Variants in IFT56 observed in about 807,000 individuals in gnomAD.
IFT56 encodes the protein intraflagellar transport protein 56.
At chr7:139,151,468 T>C in the IFT56 span, among the ~76,000 whole-genome samples, 3 of 152,220 alleles carry the variant, frequency 2.0e-5, no homozygotes, top group African/African-American at 7.2e-5. Context: ...TCTAGGGTAG[T>C]GATTATGAGT....
chr7:139,185,251 G>A, the IFT56 span, among the ~76,000 whole-genome samples: 1 of 151,214 alleles, frequency 6.6e-6, no homozygotes, highest in Non-Finnish European at 1.5e-5. Flanking sequence ...CTGTGGTTAC[G>A]TGAATCTACA....
At chr7:139,178,536 A>G in the IFT56 span, 2 of 1,614,174 alleles carry the variant, frequency 1.2e-6, no homozygotes, top group East Asian at 2.2e-5. Flanking sequence ...TAATGATGAC[A>G]TCTTTAACTT....
the IFT56 span, chr7:139,168,569 CAA>C: frequency 2.7e-3 from 1,036 of 377,616 alleles, 2 homozygotes; most frequent in South Asian, 6.2e-3. Flanking sequence ...TATTTAGAGA[CAA>C]AAAAAAAAAA....
chr7:139,172,405 C>T, the IFT56 span: 1 of 349,128 alleles, frequency 2.9e-6, no homozygotes, highest in South Asian at 2.4e-5. Context: ...GCCAGGTGGG[C>T]ATTGTATTTG....
the IFT56 span, chr7:139,133,965 A>T: frequency 2.2e-6 from 3 of 1,376,184 alleles, no homozygotes. Context: ...GTCCGCAGAG[A>T]GTAATCCCCA....
At chr7:139,164,999 TA>T in the IFT56 span, 1 of 577,096 alleles carries the variant, frequency 1.7e-6, no homozygotes, top group East Asian at 3.2e-5. Context: ...AAGTTCTCAA[TA>T]TATCAACTGA....
the IFT56 span, among the ~76,000 whole-genome samples, chr7:139,171,513 A>G: frequency 2.0e-5 from 3 of 152,188 alleles, no homozygotes; most frequent in African/African-American, 4.8e-5. Context: ...AATGGAGCAC[A>G]TTAAGAGAAC....
chr7:139,141,594 T>C, the IFT56 span, among the ~76,000 whole-genome samples: 1 of 152,242 alleles, frequency 6.6e-6, no homozygotes, highest in Non-Finnish European at 1.5e-5. Flanking sequence ...GGTAGCTATC[T>C]CTATTTCCAT....
At chr7:139,160,693 C>T in the IFT56 span, among the ~76,000 whole-genome samples, 1 of 152,130 alleles carries the variant, frequency 6.6e-6, no homozygotes, top group Non-Finnish European at 1.5e-5. Context: ...GCCTTGGCCT[C>T]CAAAAATGCT....
the IFT56 span, chr7:139,169,222 C>A: frequency 7.6e-7 from 1 of 1,318,092 alleles, no homozygotes; most frequent in Non-Finnish European, 1.1e-6. Flanking sequence ...TATGTTAGAA[C>A]CATATAGTAT....
the IFT56 span, among the ~76,000 whole-genome samples, chr7:139,158,607 A>G: frequency 4.0e-5 from 6 of 151,892 alleles, no homozygotes; most frequent in Non-Finnish European, 7.4e-5. Context: ...TATTTGAAGT[A>G]TTTTCTATTG....
the IFT56 span, among the ~76,000 whole-genome samples, chr7:139,174,644 G>A: frequency 2.6e-5 from 4 of 152,044 alleles, no homozygotes; most frequent in Non-Finnish European, 5.9e-5. Context: ...AATATAGAAG[G>A]AGCCCAGACA....
the IFT56 span, chr7:139,178,535 C>A: frequency 6.2e-7 from 1 of 1,614,084 alleles, no homozygotes; most frequent in Admixed American, 1.7e-5. Context: ...ATAATGATGA[C>A]ATCTTTAACT....
chr7:139,187,618 T>A, the IFT56 span: 1 of 1,531,048 alleles, frequency 6.5e-7, no homozygotes, highest in Non-Finnish European at 8.9e-7. Flanking sequence ...TTGGATGATA[T>A]CTTCTGAAAA....
the IFT56 span, chr7:139,133,958 C>A: frequency 6.9e-7 from 1 of 1,442,834 alleles, no homozygotes; most frequent in Non-Finnish European, 9.7e-7. Flanking sequence ...TAGGTGTGTC[C>A]GCAGAGAGTA....
At chr7:139,170,800 G>A in the IFT56 span, among the ~76,000 whole-genome samples, 1 of 152,186 alleles carries the variant, frequency 6.6e-6, no homozygotes, top group South Asian at 2.1e-4. Context: ...ACAAGACAAG[G>A]ATGCCCACTT....
chr7:139,148,105 G>A, the IFT56 span: 3 of 1,084,198 alleles, frequency 2.8e-6, no homozygotes, highest in Admixed American at 2.1e-5. Context: ...CATAAGGCAG[G>A]TTCATGAACT....
chr7:139,141,857 G>C, the IFT56 span, among the ~76,000 whole-genome samples: 1 of 152,176 alleles, frequency 6.6e-6, no homozygotes, highest in African/African-American at 2.4e-5. Context: ...AATTAACAAA[G>C]AATACTGGGA....
chr7:139,139,650 G>A, the IFT56 span, among the ~76,000 whole-genome samples: 1 of 152,134 alleles, frequency 6.6e-6, no homozygotes, highest in Non-Finnish European at 1.5e-5. Context: ...GTCCCTATCA[G>A]TATTAACTGG....
Sources: gnomAD v4.1 joint callset for allele counts (sites outside exome capture counted in the v4.1 genomes callset) on GRCh38, gnomAD v4.1.1 for gene constraint, MANE v1.5 for transcripts, NCBI Gene and HGNC (gene_info 2026-07-23, HGNC 2026-07-21) for gene names.